CDH13: variants seen among roughly 807,000 people sequenced by gnomAD.
CDH13 encodes cadherin 13.
In CDH13, 24 loss-of-function variants were observed where a neutral mutation model predicts 63.8. That is an observed-to-expected ratio of 0.38 (90% CI 0.27 to 0.53). The LOEUF is 0.53. CDH13 is among the 20% of genes least tolerant of loss of function. CDH13 has a pLI of 0.85. For missense variants in CDH13, 1,049 were observed against 903.1 expected (o/e 1.16, Z -2.07); for synonymous variants, 503 against 355.3 (o/e 1.42, Z -4.67).
chr16:82,681,333 C>T (rs937076571), intron 1 of CDH13, among the ~76,000 whole-genome samples: 1 of 152,054 alleles, frequency 6.6e-6, no homozygotes, highest in Non-Finnish European at 1.5e-5. Flanking sequence ...TCGTGATTGC[C>T]AGGGGCGTGG....
At position 82,788,137 on chromosome 16, in the gene CDH13, G is replaced by T. The variant is rs2036111896; in HGVS notation, c.46-70225G>T. Among the ~76,000 whole-genome samples, 3 of 152,252 alleles carry T rather than the reference G, an allele frequency of 2.0e-5. No homozygotes were observed. The South Asian group carries it at 6.2e-4, about 32-fold the overall frequency. On this transcript the variant is annotated intron_variant, in intron 1 of 13. Transcript: ENST00000567109. ...CATGAAATGTGTGTCCAAGAAACTA[G>T]TAGGAATGCATCTAGGAACCAAAGT...
chr16:82,832,984 A>C (rs1391570411), intron 1 of CDH13, among the ~76,000 whole-genome samples: 10 of 152,194 alleles, frequency 6.6e-5, no homozygotes, highest in Admixed American at 3.9e-4. Flanking sequence ...ATGGATTAGC[A>C]ATATGTGTTA....
At chr16:82,910,431 C>A (rs989277347) in intron 2 of CDH13, among the ~76,000 whole-genome samples, 2 of 152,172 alleles carry the variant, frequency 1.3e-5, no homozygotes, top group Non-Finnish European at 2.9e-5. Context: ...TGTCCCTAGG[C>A]TCCTCTGCAT....
intron 8 of CDH13, among the ~76,000 whole-genome samples, chr16:83,650,645 A>G (rs980707857): frequency 3.3e-5 from 5 of 152,310 alleles, no homozygotes; most frequent in Non-Finnish European, 5.9e-5. Context: ...GTAAGAACTA[A>G]GGATGCTGCT....
intron 2 of CDH13, among the ~76,000 whole-genome samples, chr16:83,019,854 A>AAAC (rs1915182877): frequency 6.6e-6 from 1 of 150,714 alleles, no homozygotes; most frequent in African/African-American, 2.4e-5. Context: ...AAAAAAAAAA[A>AAAC]CAATAAAAAC....
At chr16:82,820,562 C>T (rs1168583118) in intron 1 of CDH13, among the ~76,000 whole-genome samples, 4 of 152,152 alleles carry the variant, frequency 2.6e-5, no homozygotes, top group African/African-American at 9.7e-5. Context: ...ATTTTTAGAG[C>T]CCAGGCTATG....
At chr16:82,929,630 G>A (rs149163708) in intron 2 of CDH13, among the ~76,000 whole-genome samples, 1 of 119,100 alleles carries the variant, frequency 8.4e-6, no homozygotes, top group Non-Finnish European at 1.6e-5. Context: ...CCAGCTTGGG[G>A]GACAGAGTGA....
intron 10 of CDH13, among the ~76,000 whole-genome samples, chr16:83,692,238 G>A (rs1904976883): frequency 1.3e-5 from 2 of 152,202 alleles, no homozygotes; most frequent in South Asian, 2.1e-4. Context: ...AGCTTTCATT[G>A]CTGATAGCCA....
chr16:83,338,689 G>C (rs1000751400), intron 5 of CDH13, among the ~76,000 whole-genome samples: 10 of 152,192 alleles, frequency 6.6e-5, no homozygotes, highest in Non-Finnish European at 1.5e-4. Flanking sequence ...AGGATGAATA[G>C]CGGCAGCAAG....
intron 6 of CDH13, among the ~76,000 whole-genome samples, chr16:83,356,437 G>C (rs1028266696): frequency 2.6e-5 from 4 of 152,066 alleles, no homozygotes; most frequent in Non-Finnish European, 5.9e-5. Flanking sequence ...GATTCATAAA[G>C]CATGCTGAGC....
intron 1 of CDH13, among the ~76,000 whole-genome samples, chr16:82,751,526 G>A (rs571424183): frequency 6.6e-6 from 1 of 152,136 alleles, no homozygotes; most frequent in Admixed American, 6.5e-5. Flanking sequence ...CAGAGCTCTG[G>A]GGCAGGGAGG....
At chr16:83,626,551 G>GTT (rs1426097772) in intron 8 of CDH13, among the ~76,000 whole-genome samples, 7 of 152,116 alleles carry the variant, frequency 4.6e-5, no homozygotes, top group East Asian at 1.9e-4. Flanking sequence ...ACCTGGACTG[G>GTT]GTGGGGCTGA....
intron 6 of CDH13, among the ~76,000 whole-genome samples, chr16:83,418,958 C>G (rs2071632770): frequency 6.6e-6 from 1 of 152,016 alleles, no homozygotes. Flanking sequence ...ATGGCAAAGC[C>G]CCCTAAATTC....
At chr16:83,658,857 T>C (rs1357276594) in intron 8 of CDH13, among the ~76,000 whole-genome samples, 2 of 137,350 alleles carry the variant, frequency 1.5e-5, no homozygotes, top group African/African-American at 5.6e-5. Flanking sequence ...TCCCGTATCC[T>C]CACCAGCAAG....
intron 7 of CDH13, among the ~76,000 whole-genome samples, chr16:83,567,890 C>T (rs984185081): frequency 4.6e-5 from 7 of 152,314 alleles, no homozygotes; most frequent in South Asian, 2.1e-4. Flanking sequence ...CCACCACGCC[C>T]GGCCTAGACA....
At chr16:83,561,601 A>G (rs545047645) in intron 7 of CDH13, among the ~76,000 whole-genome samples, 1 of 152,190 alleles carries the variant, frequency 6.6e-6, no homozygotes, top group Non-Finnish European at 1.5e-5. Flanking sequence ...TGGTCTAAGC[A>G]CTTTACAGGT....
chr16:83,041,647 C>T lies in CDH13; in HGVS notation c.366+9429C>T, dbSNP rs557827361. ...GCTAATTGCCCCCTGTTTCTACACACATACATTCATGGGGATATTTAGCGA... is the reference window on the plus strand; with the variant it reads ...GCTAATTGCCCCCTGTTTCTACACATATACATTCATGGGGATATTTAGCGA... On this transcript the variant is annotated intron_variant, in intron 3 of 13. Transcript: ENST00000567109. 2.0e-3 allele frequency among the ~76,000 whole-genome samples: 304 copies of T among 152,248 alleles called. 1 individual carries two copies. The highest frequency in any genetic ancestry group is 0.017 in the Middle Eastern group (5 of 294).
At chr16:83,735,309 A>G (rs1911438560) in intron 10 of CDH13, 2 of 152,134 alleles carry the variant, frequency 1.3e-5, no homozygotes, top group African/African-American at 4.8e-5. Context: ...TGCCAGTCAA[A>G]TCACTCTTTC....
intron 8 of CDH13, among the ~76,000 whole-genome samples, chr16:83,623,653 A>T (rs2150781539): frequency 6.6e-6 from 1 of 152,314 alleles, no homozygotes; most frequent in Non-Finnish European, 1.5e-5. Context: ...AAATCCATAT[A>T]TCAGAGCCAG....
Sources: allele counts gnomAD v4.1 joint callset (sites outside exome capture counted in the v4.1 genomes callset), GRCh38; gene constraint gnomAD v4.1.1; transcripts MANE v1.5; gene names NCBI Gene and HGNC (gene_info 2026-07-23, HGNC 2026-07-21).